The following MEAK7 variants were observed in gnomAD, a reference collection of about 807,000 sequenced individuals.
MEAK7 encodes MTOR-associated protein MEAK7.
Under a neutral mutation model 40.5 loss-of-function variants are expected in MEAK7, and 68 were observed. The ratio of observed to expected loss-of-function variants is 1.68; its 90% CI spans 1.38 to 2.06. The LOEUF (loss-of-function observed/expected upper bound fraction) is 2.06, where lower values mean the gene tolerates loss of function less well. MEAK7 is among the 30% of genes most tolerant of loss of function. MEAK7 has a pLI of 0.00. For missense variants in MEAK7, 918 were observed against 580.5 expected (o/e 1.58, Z -5.98); for synonymous variants, 338 against 231.9 (o/e 1.46, Z -4.16).
intron 1 of MEAK7, among the ~76,000 whole-genome samples, chr16:84,504,351 C>T (rs433630): frequency 0.77 from 116,946 of 151,936 alleles, 46,691 homozygotes; most frequent in Non-Finnish European, 0.87. Flanking sequence ...ACCACATAAA[C>T]AGCGGGAGGT....
chr16:84,491,063 T>C (rs9926674), intron 3 of MEAK7, among the ~76,000 whole-genome samples: 6 of 152,192 alleles, frequency 3.9e-5, no homozygotes, highest in Non-Finnish European at 2.9e-5. Flanking sequence ...AGTTGGTTCA[T>C]TGAAAAGATC....
At position 84,495,705 on chromosome 16, in the gene MEAK7, A is replaced by C; in HGVS notation, c.362T>G (p.Val121Gly). 6.2e-7 allele frequency: 1 copy of C among 1,614,084 alleles called. No homozygotes were observed. Among genetic ancestry groups the C allele is most frequent in the Non-Finnish European group, 8.5e-7 (1 of 1,180,012 alleles). ...MKMISATEGP[V>G]KAREVQKFTE... ...TACCTTTTGGACTTCTCTGGCCTTCACGGGACCTTCTGTGGCAGAAATCAT... is the reference window on the plus strand; with the variant it reads ...TACCTTTTGGACTTCTCTGGCCTTCCCGGGACCTTCTGTGGCAGAAATCAT... The change falls in exon 3 of 8, where the codon GTG becomes GGG. Residue 121 changes from valine to glycine, a missense_variant. Physicochemically the swap from Val to Gly is moderately radical, Grantham distance 109. Transcript: ENST00000343629.
intron 2 of MEAK7, chr16:84,497,321 A>C: frequency 1.0e-6 from 1 of 977,310 alleles, no homozygotes; most frequent in East Asian, 6.2e-5. Context: ...AAACATGGGC[A>C]AATGGGCAGT....
At chr16:84,492,411 C>G (rs1258779763) in intron 3 of MEAK7, among the ~76,000 whole-genome samples, 1 of 151,962 alleles carries the variant, frequency 6.6e-6, no homozygotes, top group Non-Finnish European at 1.5e-5. Flanking sequence ...TGGCCTCATA[C>G]TGTCTTTATT....
intron 3 of MEAK7, among the ~76,000 whole-genome samples, chr16:84,495,374 T>C (rs568604081): frequency 6.6e-6 from 1 of 152,342 alleles, no homozygotes; most frequent in Admixed American, 6.5e-5. Flanking sequence ...ACATTGACTA[T>C]TTCCCTACCT....
intron 5 of MEAK7, among the ~76,000 whole-genome samples, chr16:84,483,746 G>A (rs1293593100): frequency 6.6e-6 from 1 of 152,206 alleles, no homozygotes; most frequent in Admixed American, 6.5e-5. Context: ...CTGGGAGGCA[G>A]CTTCCGAGGT....
chr16:84,488,238 A>T (rs1221663525), intron 4 of MEAK7: 36 of 152,214 alleles, frequency 2.4e-4, no homozygotes. Context: ...AGATGGATGA[A>T]CAGTTTACCC....
chr16:84,480,707 C>T lies in MEAK7; in HGVS notation c.1079G>A (p.Gly360Asp). ...HGQQTIPNGL[G>D]MGGQHNYFGL... ...AAAGTAATTGTGCTGCCCCCCCATA[C>T]CCTGCAAAGGAAGCCAGGACAGAGA... Residue 360 changes from glycine (G) to aspartate (D), a missense_variant and splice_region_variant, in exon 7 of 8, where the codon GGT (glycine) becomes GAT (aspartate). By Grantham distance (94) the Gly-to-Asp change is moderately conservative (BLOSUM62 -1). Coordinates refer to ENST00000343629, the MANE Select transcript of MEAK7 (RefSeq NM_020947.4). 3 of 1,610,484 alleles carry T rather than the reference C, an allele frequency of 1.9e-6. No homozygotes were observed. The highest frequency in any genetic ancestry group is 2.5e-6 in the Non-Finnish European group (3 of 1,178,182).
Position 84,492,818 on chromosome 16 carries a change from A to G in MEAK7, c.384+2865T>C, listed in dbSNP as rs909575899. ...GCTGGTCTTGAACTCTTGACCTCAG[A>G]TAATCCACCCACCTTGGCCTCCCAA... is the stretch of plus-strand genomic sequence containing the variant. On this transcript the variant is annotated intron_variant, in intron 3 of 7. Coordinates refer to ENST00000343629, the MANE Select transcript of MEAK7 (RefSeq NM_020947.4). Among the ~76,000 whole-genome samples, 6 of 152,156 alleles carry G rather than the reference A, an allele frequency of 3.9e-5. No homozygotes were observed. The East Asian group carries it at 1.2e-3, about 29-fold the overall frequency.
At position 84,480,699 on chromosome 16, in the gene MEAK7, C is replaced by T. The variant is rs185660005; in HGVS notation, c.1087G>A (p.Gly363Arg). The change falls in exon 7 of 8, where the codon GGG becomes AGG. Residue 363 changes from glycine (G) to arginine (R), a missense_variant. Gly to Arg is a moderately radical substitution (Grantham distance 125, BLOSUM62 -2). Transcript: ENST00000343629. ...CAAAGCCCAAAGTAATTGTGCTGCC[C>T]CCCCATACCCTGCAAAGGAAGCCAG... ...QTIPNGLGMG[G>R]QHNYFGLWVD... 6.2e-7 allele frequency: 1 copy of T among 1,611,572 alleles called. No individual in the cohort carries two copies. The highest frequency in any genetic ancestry group is 8.5e-7 in the Non-Finnish European group (1 of 1,178,758).
At position 84,498,228 on chromosome 16, in the gene MEAK7, A is replaced by G. The variant is rs1345275819; in HGVS notation, c.-25-117T>C. The G allele has an allele frequency of 4.9e-6, 6 of 1,221,666 alleles. No individual in the cohort carries two copies. The African/African-American group carries it at 9.2e-5, about 19-fold the overall frequency. 75.7% of individuals were successfully genotyped at this position (1,221,666 alleles called of 1,614,324 possible). ...ACTGATATAGCCACAAAATGTAGCTAAAACACATCAGAGCTACATAATACT... is the reference window on the plus strand; with the variant it reads ...ACTGATATAGCCACAAAATGTAGCTGAAACACATCAGAGCTACATAATACT... On this transcript the variant is annotated intron_variant, in intron 1 of 7. Transcript: ENST00000343629.
intron 1 of MEAK7, among the ~76,000 whole-genome samples, chr16:84,499,338 G>C (rs947170557): frequency 6.6e-6 from 1 of 152,100 alleles, no homozygotes; most frequent in South Asian, 2.1e-4. Context: ...GAGAGAAAAC[G>C]ACCTTCTCCC....
At chr16:84,486,310 G>A (rs774727739) in intron 5 of MEAK7, 8 of 470,758 alleles carry the variant, frequency 1.7e-5, no homozygotes, top group Non-Finnish European at 2.5e-5. Flanking sequence ...GAAAATGTCC[G>A]ATCTGAACCA....
intron 3 of MEAK7, among the ~76,000 whole-genome samples, chr16:84,492,175 T>C (rs954245615): frequency 1.3e-5 from 2 of 152,186 alleles, no homozygotes; most frequent in Non-Finnish European, 2.9e-5. Context: ...GAGAGAAAAT[T>C]AGTTCAGAGG....
At chr16:84,488,880 G>C (rs1008892244) in intron 4 of MEAK7, among the ~76,000 whole-genome samples, 2 of 151,812 alleles carry the variant, frequency 1.3e-5, no homozygotes, top group Non-Finnish European at 2.9e-5. Context: ...TAAGAAACTA[G>C]GAAAAGAAGA....
At position 84,479,087 on chromosome 16, in the gene MEAK7, G is replaced by C. The variant is rs1383010573; in HGVS notation, c.*826C>G. 1.3e-5 allele frequency: 2 copies of C among 152,122 alleles called. No homozygotes were observed. The highest frequency in any genetic ancestry group is 4.8e-5 in the African/African-American group (2 of 41,414). The allele number at this position is 152,122 out of a possible 1,614,324, so 9.4% of individuals were successfully genotyped here. On this transcript the variant is annotated 3_prime_UTR_variant, in exon 8 of 8. Coordinates refer to ENST00000343629, the MANE Select transcript of MEAK7 (RefSeq NM_020947.4). ...CATTTAAAAACAGCTGAGAGAGCTG[G>C]GTGTGGAACCTTATTACAAATACCT... is the stretch of plus-strand genomic sequence containing the variant.
chr16:84,499,363 A>G (rs1282094990), intron 1 of MEAK7, among the ~76,000 whole-genome samples: 1 of 152,160 alleles, frequency 6.6e-6, no homozygotes, highest in African/African-American at 2.4e-5. Flanking sequence ...AGGCACCTTG[A>G]TAAACAAAGT....
At chr16:84,503,608 A>T (rs1490992608) in intron 1 of MEAK7, among the ~76,000 whole-genome samples, 1 of 152,208 alleles carries the variant, frequency 6.6e-6, no homozygotes, top group Non-Finnish European at 1.5e-5. Flanking sequence ...AAGATTAAAT[A>T]AGGTAACCCA....
chr16:84,499,478 A>C (rs888620943), intron 1 of MEAK7, among the ~76,000 whole-genome samples: 2 of 152,218 alleles, frequency 1.3e-5, no homozygotes, highest in South Asian at 2.1e-4. Context: ...TGACAACTCA[A>C]ACCCTCAAGG....
Sources: gnomAD v4.1 joint callset for allele counts (sites outside exome capture counted in the v4.1 genomes callset) on GRCh38, gnomAD v4.1.1 for gene constraint, MANE v1.5 for transcripts, NCBI Gene and HGNC (gene_info 2026-07-23, HGNC 2026-07-21) for gene names.